PCDH7: variants seen among roughly 807,000 people sequenced by gnomAD.
PCDH7 encodes protocadherin 7.
PCDH7 carries 17 observed loss-of-function variants against 58.9 expected under a neutral mutation model. The ratio of observed to expected loss-of-function variants is 0.29; its 90% CI spans 0.20 to 0.43. PCDH7 has a LOEUF of 0.43. Among genes scored for constraint, PCDH7 ranks in the 20% least tolerant of loss-of-function variants. The pLI, the probability that PCDH7 is intolerant of heterozygous loss-of-function variation, is 1.00. For missense variants in PCDH7, 1,274 were observed against 1,441.0 expected (o/e 0.88, Z 1.88); for synonymous variants, 664 against 616.4 (o/e 1.08, Z -1.14).
intron 1 of PCDH7, chr4:30,786,663 C>G (rs1435103605): frequency 5.5e-6 from 3 of 540,948 alleles, no homozygotes; most frequent in African/African-American, 2.1e-5. Flanking sequence ...AGCTTTGGAA[C>G]TAGGCTGGCA....
chr4:30,872,919 T>C (rs569528094), intron 1 of PCDH7, among the ~76,000 whole-genome samples: 2 of 152,238 alleles, frequency 1.3e-5, no homozygotes, highest in South Asian at 2.1e-4. Context: ...TCAGACCAGT[T>C]CCTGGCACTG....
intron 3 of PCDH7, among the ~76,000 whole-genome samples, chr4:31,005,493 G>A (rs1276233091): frequency 6.6e-6 from 1 of 152,116 alleles, no homozygotes; most frequent in East Asian, 1.9e-4. Context: ...TTGGAAATAG[G>A]TTTCATGTGT....
intron 1 of PCDH7, among the ~76,000 whole-genome samples, chr4:30,820,117 C>T (rs1728197043): frequency 1.3e-5 from 2 of 151,734 alleles, no homozygotes; most frequent in Non-Finnish European, 2.9e-5. Context: ...AATTCCTTTG[C>T]TATTAAAGAA....
At chr4:30,790,927 AAAAC>A (rs1282284388) in intron 1 of PCDH7, among the ~76,000 whole-genome samples, 2 of 151,770 alleles carry the variant, frequency 1.3e-5, no homozygotes, top group Non-Finnish European at 2.9e-5. Context: ...TGTCTCAAAA[AAAAC>A]AAAACAAAAC....
intron 1 of PCDH7, among the ~76,000 whole-genome samples, chr4:30,817,821 T>C (rs1378657653): frequency 6.6e-6 from 1 of 152,182 alleles, no homozygotes; most frequent in Non-Finnish European, 1.5e-5. Context: ...CCCTGGCCCC[T>C]ACAGCACTCT....
At chr4:30,736,156 T>C (rs1716222301), downstream of PCDH7, among the ~76,000 whole-genome samples, 1 of 152,152 alleles carries the variant, frequency 6.6e-6, no homozygotes, top group Admixed American at 6.5e-5. Flanking sequence ...CTAACTTAAC[T>C]GGAGGAAGCT....
chr4:30,956,345 A>G (rs985172242), intron 3 of PCDH7, among the ~76,000 whole-genome samples: 8 of 152,218 alleles, frequency 5.3e-5, no homozygotes, highest in Admixed American at 2.0e-4. Flanking sequence ...CAAATATTTT[A>G]TCGGAATTGA....
chr4:30,844,013 C>T (rs1731584120), intron 1 of PCDH7, among the ~76,000 whole-genome samples: 1 of 152,186 alleles, frequency 6.6e-6, no homozygotes, highest in Admixed American at 6.5e-5. Flanking sequence ...TTTCCTATTA[C>T]AAATTACTTG....
intron 1 of PCDH7, among the ~76,000 whole-genome samples, chr4:30,788,193 G>A (rs1218493947): frequency 6.6e-6 from 1 of 152,054 alleles, no homozygotes; most frequent in East Asian, 1.9e-4. Flanking sequence ...TAAGTTACAT[G>A]TGCTTTCCCC....
At chr4:30,906,676 G>A (rs1420717485) in intron 1 of PCDH7, among the ~76,000 whole-genome samples, 2 of 152,154 alleles carry the variant, frequency 1.3e-5, no homozygotes, top group African/African-American at 2.4e-5. Flanking sequence ...TGATATATTA[G>A]AAAAGTGCTG....
chr4:30,888,000 C>T (rs993248191), intron 1 of PCDH7, among the ~76,000 whole-genome samples: 2 of 151,838 alleles, frequency 1.3e-5, no homozygotes, highest in South Asian at 2.1e-4. Flanking sequence ...CTCAGCCTCC[C>T]GAGTAGCTGG....
intron 3 of PCDH7, among the ~76,000 whole-genome samples, chr4:31,128,601 C>T (rs61794142): frequency 0.03 from 4,604 of 152,128 alleles, 182 homozygotes; most frequent in East Asian, 0.19. Flanking sequence ...GTCGTGACAA[C>T]GCTAAAATAA....
chr4:30,997,242 T>C (rs1751978812), intron 3 of PCDH7, among the ~76,000 whole-genome samples: 2 of 152,214 alleles, frequency 1.3e-5, no homozygotes, highest in African/African-American at 4.8e-5. Flanking sequence ...TCTATGACAT[T>C]CTTTTAAATT....
At position 30,818,980 on chromosome 4, in the gene PCDH7, C is replaced by T. The variant is rs534099872; in HGVS notation, c.70+94384C>T. On this transcript the variant is annotated intron_variant, in intron 1 of 3. Coordinates refer to the PCDH7 transcript ENST00000509759. ...TCTATTCCTAACCATTTTGAGTTTC[C>T]ATATTCTAACTGGAAAGGGAAAGAC... Among the ~76,000 whole-genome samples, 3 of 152,194 alleles carry T rather than the reference C, an allele frequency of 2.0e-5. No homozygotes were observed. In the East Asian group the frequency reaches 5.8e-4, roughly 29 times the overall value.
chr4:30,918,939 C>T (rs1268185966), intron 1 of PCDH7, among the ~76,000 whole-genome samples: 1 of 152,052 alleles, frequency 6.6e-6, no homozygotes, highest in Non-Finnish European at 1.5e-5. Context: ...AATAACCTAC[C>T]ATGTGCATAT....
intron 3 of PCDH7, among the ~76,000 whole-genome samples, chr4:31,071,621 G>A (rs1758551079): frequency 6.6e-6 from 1 of 151,880 alleles, no homozygotes; most frequent in Non-Finnish European, 1.5e-5. Flanking sequence ...TAAAATAATG[G>A]GGTAAGTCAG....
chr4:30,785,655 GTTTTA>G (rs1222839156), intron 1 of PCDH7, among the ~76,000 whole-genome samples: 2 of 151,820 alleles, frequency 1.3e-5, no homozygotes, highest in East Asian at 3.9e-4. Context: ...GTCATTACTT[GTTTTA>G]TTACACCATT....
rs181833715 is a variant in PCDH7, at chr4:30,916,897, T to C, written c.71-3256T>C. Among the ~76,000 whole-genome samples the C allele has an allele frequency of 1.1e-4, 16 of 152,290 alleles. No homozygotes were observed. In the East Asian group the frequency reaches 2.7e-3, roughly 26 times the overall value. The stretch of plus-strand genomic sequence containing the variant: ...TGAATGCTGATTCACTGGGTTTAAG[T>C]TGGGACCAGATATTGGCATTTGTTT... On this transcript the variant is annotated intron_variant, in intron 1 of 3. Coordinates refer to the PCDH7 transcript ENST00000509759.
chr4:31,140,485 C>A (rs1173035954), intron 3 of PCDH7, among the ~76,000 whole-genome samples: 1 of 142,972 alleles, frequency 7.0e-6, no homozygotes. Flanking sequence ...AAAAGAGGAG[C>A]AATTTGAATT....
Sources: allele counts gnomAD v4.1 joint callset (sites outside exome capture counted in the v4.1 genomes callset), GRCh38; gene constraint gnomAD v4.1.1; transcripts MANE v1.5; gene names NCBI Gene and HGNC (gene_info 2026-07-23, HGNC 2026-07-21).